KCNQ3: variants seen among roughly 807,000 people sequenced by gnomAD.
The protein encoded by KCNQ3 is potassium voltage-gated channel subfamily Q member 3.
A neutral mutation model predicts 92.5 loss-of-function variants in KCNQ3; 30 were observed. That is an observed-to-expected ratio of 0.32 (90% CI 0.24 to 0.44). KCNQ3 has a LOEUF of 0.44. Among genes scored for constraint, KCNQ3 ranks in the 20% least tolerant of loss-of-function variants. The pLI is 1.00. For synonymous variants in KCNQ3, 450 were observed against 468.8 expected, an observed-to-expected ratio of 0.96 and a Z score of 0.52; for missense variants, 913 against 1,140.3, an observed-to-expected ratio of 0.80 and a Z score of 2.87.
At chr8:132,243,224 G>T (rs752041362) in intron 1 of KCNQ3, among the ~76,000 whole-genome samples, 8 of 152,192 alleles carry the variant, frequency 5.3e-5, no homozygotes, top group Non-Finnish European at 1.0e-4. Context: ...GCTTACAAAG[G>T]TTCAATAATT....
At position 132,123,748 on chromosome 8, in the gene KCNQ3, G is replaced by C. The variant is rs894045016; in HGVS notation, c.*5514C>G. On this transcript the variant is annotated 3_prime_UTR_variant, in exon 15 of 15. Transcript: ENST00000388996. ...CTAAAAAGACAGGTGGTTGTTCTGG[G>C]TGATCAAAATCTCTTCTTGCTCTGT... The C allele has an allele frequency of 3.9e-5, 6 of 152,178 alleles. No individual in the cohort carries two copies. Among genetic ancestry groups the C allele is most frequent in the African/African-American group, 1.4e-4 (6 of 41,432 alleles). The allele number at this position is 152,178 out of a possible 1,614,324, so 9.4% of individuals were successfully genotyped here.
rs1189753831 is a variant in KCNQ3 at position 132,176,061 on chromosome 8, G to A, written c.778-453C>T. On this transcript the variant is annotated intron_variant, in intron 4 of 14. Coordinates refer to ENST00000388996, the MANE Select transcript of KCNQ3 (RefSeq NM_004519.4). ...GACACCAGTTTATGGTGTGGCCTTG[G>A]GCAAATTCTCCTCTTCTCCCAAATC... is the stretch of plus-strand genomic sequence containing the variant. 2.6e-5 allele frequency among the ~76,000 whole-genome samples: 4 copies of A among 152,066 alleles called. No homozygotes were observed. In the East Asian group the frequency reaches 7.7e-4, roughly 29 times the overall value.
chr8:132,258,564 TCAA>T (rs1355155700), intron 1 of KCNQ3, among the ~76,000 whole-genome samples: 1 of 151,598 alleles, frequency 6.6e-6, no homozygotes, highest in African/African-American at 2.4e-5. Flanking sequence ...AAGAAGTATC[TCAA>T]ATAAATTACC....
At chr8:132,303,179 G>T (rs556131063) in intron 1 of KCNQ3, among the ~76,000 whole-genome samples, 1 of 152,202 alleles carries the variant, frequency 6.6e-6, no homozygotes, top group South Asian at 2.1e-4. Flanking sequence ...GAAGGAGATT[G>T]GCACCAACAG....
chr8:132,265,309 GGCAA>G (rs1815945615), intron 1 of KCNQ3, among the ~76,000 whole-genome samples: 3 of 152,220 alleles, frequency 2.0e-5, no homozygotes, highest in Non-Finnish European at 4.4e-5. Flanking sequence ...TGCTTGTAAT[GGCAA>G]GGCCATCCAC....
At chr8:132,343,033 C>A (rs934713361) in intron 1 of KCNQ3, among the ~76,000 whole-genome samples, 2 of 152,322 alleles carry the variant, frequency 1.3e-5, no homozygotes, top group South Asian at 4.1e-4. Flanking sequence ...CAAGCTGATG[C>A]CTCTGTCCAA....
intron 1 of KCNQ3, among the ~76,000 whole-genome samples, chr8:132,477,020 G>A (rs1374636569): frequency 1.3e-5 from 2 of 152,002 alleles, no homozygotes; most frequent in Non-Finnish European, 2.9e-5. Context: ...ATAAGTGTGT[G>A]GCTCTTCCCC....
chr8:132,353,588 C>T (rs1028698590), intron 1 of KCNQ3, among the ~76,000 whole-genome samples: 7 of 152,072 alleles, frequency 4.6e-5, no homozygotes, highest in African/African-American at 9.7e-5. Context: ...CTGAAGCAGG[C>T]GGATCATCTG....
At chr8:132,268,346 C>T (rs1358595248) in intron 1 of KCNQ3, among the ~76,000 whole-genome samples, 1 of 152,172 alleles carries the variant, frequency 6.6e-6, no homozygotes, top group African/African-American at 2.4e-5. Flanking sequence ...CTCACTGCAA[C>T]CTCTGCCTCG....
At chr8:132,433,195 C>T (rs1293881745) in intron 1 of KCNQ3, among the ~76,000 whole-genome samples, 1 of 152,118 alleles carries the variant, frequency 6.6e-6, no homozygotes, top group Non-Finnish European at 1.5e-5. Flanking sequence ...GTCAACCCCA[C>T]TCATCTGGAT....
intron 1 of KCNQ3, among the ~76,000 whole-genome samples, chr8:132,380,917 A>G (rs2130754218): frequency 6.8e-6 from 1 of 147,284 alleles, no homozygotes; most frequent in African/African-American, 2.6e-5. Flanking sequence ...TCTACAGAAA[A>G]AGAAATGAAA....
At chr8:132,131,424 C>T (rs1490989029) in intron 14 of KCNQ3, among the ~76,000 whole-genome samples, 2 of 152,168 alleles carry the variant, frequency 1.3e-5, no homozygotes, top group African/African-American at 4.8e-5. Flanking sequence ...TTGAATGGAT[C>T]TCACCTGTGC....
intron 1 of KCNQ3, among the ~76,000 whole-genome samples, chr8:132,365,721 C>A (rs1221099699): frequency 2.0e-5 from 3 of 152,274 alleles, no homozygotes; most frequent in African/African-American, 7.2e-5. Flanking sequence ...TGTGACTCTA[C>A]TTGTATAGTT....
intron 1 of KCNQ3, among the ~76,000 whole-genome samples, chr8:132,345,265 C>T (rs1818651935): frequency 6.6e-6 from 1 of 152,178 alleles, no homozygotes; most frequent in Admixed American, 6.5e-5. Context: ...ACCACCCACA[C>T]CCATCCTGCC....
chr8:132,461,907 A>G (rs1822069707), intron 1 of KCNQ3, among the ~76,000 whole-genome samples: 1 of 152,156 alleles, frequency 6.6e-6, no homozygotes, highest in Admixed American at 6.5e-5. Context: ...AGTTCTTTGT[A>G]TGTTTGCTAC....
intron 1 of KCNQ3, among the ~76,000 whole-genome samples, chr8:132,332,210 AC>A (rs1818252538): frequency 6.6e-6 from 1 of 152,080 alleles, no homozygotes; most frequent in Non-Finnish European, 1.5e-5. Context: ...GTGGGGAGGG[AC>A]CAGAGCCTAC....
At chr8:132,186,970 G>C (rs981293313) in intron 1 of KCNQ3, among the ~76,000 whole-genome samples, 30 of 139,206 alleles carry the variant, frequency 2.2e-4, no homozygotes, top group African/African-American at 6.8e-4. Context: ...GAGAGAGAGA[G>C]AGAGAGAGAG....
intron 1 of KCNQ3, among the ~76,000 whole-genome samples, chr8:132,286,241 T>G (rs73358985): frequency 0.026 from 3,914 of 152,238 alleles, 184 homozygotes; most frequent in African/African-American, 0.089. Context: ...AGGATGTAAC[T>G]CTACCCAGAG....
intron 1 of KCNQ3, among the ~76,000 whole-genome samples, chr8:132,267,319 C>T (rs1816015921): frequency 6.6e-6 from 1 of 152,188 alleles, no homozygotes. Flanking sequence ...TTGCCATTAT[C>T]TTGACTCTAG....
Sources: allele counts gnomAD v4.1 joint callset (sites outside exome capture counted in the v4.1 genomes callset), GRCh38; gene constraint gnomAD v4.1.1; transcripts MANE v1.5; gene names NCBI Gene and HGNC (gene_info 2026-07-23, HGNC 2026-07-21).